Variants in STPG2 observed in about 807,000 individuals in gnomAD.
The protein encoded by STPG2 is sperm tail PG-rich repeat containing 2.
Under a neutral mutation model 54.2 loss-of-function variants are expected in STPG2, and 56 were observed. The ratio of observed to expected loss-of-function variants is 1.03; its 90% CI spans 0.83 to 1.29. The LOEUF (loss-of-function observed/expected upper bound fraction) is 1.29. STPG2 is among the 50% of genes most tolerant of loss of function. The pLI is 0.00. For synonymous variants in STPG2, 200 were observed against 181.8 expected (o/e 1.10, Z -0.81); for missense variants, 596 against 544.9 (o/e 1.09, Z -0.93).
intron 8 of STPG2, among the ~76,000 whole-genome samples, chr4:97,900,368 C>A (rs1299658188): frequency 6.6e-6 from 1 of 151,826 alleles, no homozygotes; most frequent in Non-Finnish European, 1.5e-5. Flanking sequence ...TATGGCAATT[C>A]CTCAAAGAGC....
intron 8 of STPG2, among the ~76,000 whole-genome samples, chr4:97,883,360 C>A (rs1014075288): frequency 6.6e-6 from 1 of 150,980 alleles, no homozygotes; most frequent in Non-Finnish European, 1.5e-5. Flanking sequence ...TACACTCCAG[C>A]CTAAGTGACA....
intron 4 of STPG2, among the ~76,000 whole-genome samples, chr4:97,521,071 C>T (rs1395355444): frequency 6.6e-6 from 1 of 151,764 alleles, no homozygotes; most frequent in Non-Finnish European, 1.5e-5. Flanking sequence ...TATGTACATT[C>T]TGATAAAAAA....
At chr4:97,940,333 A>G (rs1732929321) in intron 8 of STPG2, among the ~76,000 whole-genome samples, 1 of 152,134 alleles carries the variant, frequency 6.6e-6, no homozygotes, top group Non-Finnish European at 1.5e-5. Context: ...TCTGAATTTG[A>G]CTGTTGGCCT....
At position 97,565,536 on chromosome 4, in the gene STPG2, T is replaced by C. The variant is rs572522068; in HGVS notation, c.1321-6419A>G. Among the ~76,000 whole-genome samples the C allele has an allele frequency of 3.0e-4, 45 of 152,346 alleles. 1 individual carries two copies. The highest frequency in any genetic ancestry group is 1.0e-3 in the African/African-American group (43 of 41,584). ...TGCTTTTTAGAGTTTCCAGTTTTCC[T>C]GCTCTGTTTTTTCCCCGTCTTTGTG... On this transcript the variant is annotated intron_variant, in intron 10 of 10. Coordinates refer to ENST00000295268, the MANE Select transcript of STPG2 (RefSeq NM_174952.3).
At chr4:97,481,491 G>A (rs1379329497) in intron 4 of STPG2, among the ~76,000 whole-genome samples, 1 of 151,450 alleles carries the variant, frequency 6.6e-6, no homozygotes, top group East Asian at 1.9e-4. Flanking sequence ...TATTAATAAA[G>A]TATAAAGATT....
At chr4:97,783,744 T>C (rs569121115) in intron 9 of STPG2, among the ~76,000 whole-genome samples, 3 of 152,262 alleles carry the variant, frequency 2.0e-5, no homozygotes, top group South Asian at 4.1e-4. Context: ...TATGCAGCTA[T>C]AAAAAAGGAT....
chr4:97,476,486 A>AT (rs1730075059), intron 4 of STPG2, among the ~76,000 whole-genome samples: 1 of 151,906 alleles, frequency 6.6e-6, no homozygotes, highest in Admixed American at 6.6e-5. Flanking sequence ...ACATTGTAAC[A>AT]TTTTCTCTGC....
intron 8 of STPG2, among the ~76,000 whole-genome samples, chr4:97,861,224 A>G (rs960207034): frequency 6.6e-6 from 1 of 152,202 alleles, no homozygotes; most frequent in African/African-American, 2.4e-5. Flanking sequence ...CAAATGACAA[A>G]TAGACATATG....
chr4:98,089,961 A>C (rs1454450266), intron 5 of STPG2, among the ~76,000 whole-genome samples: 1 of 152,004 alleles, frequency 6.6e-6, no homozygotes, highest in Admixed American at 6.6e-5. Context: ...CCTTTGTCAG[A>C]TGCATGGTTT....
In STPG2 at chr4:97,638,724, GC is replaced by G. The variant is rs1721653044; in HGVS notation, c.1320+73974del. Among the ~76,000 whole-genome samples, 5 of 147,650 alleles carry G rather than the reference GC, an allele frequency of 3.4e-5. No individual in the cohort carries two copies. In the South Asian group the frequency reaches 1.1e-3, roughly 32 times the overall value. On this transcript the variant is annotated intron_variant, in intron 10 of 10. Coordinates refer to ENST00000295268, the MANE Select transcript of STPG2 (RefSeq NM_174952.3). ...CTTCTCAAAAGAAGACATTTATGCA[GC>G]CAAAAAACACATGAAAAAATGCTCA...
chr4:98,031,351 A>T lies in STPG2; in HGVS notation c.613-50033T>A, dbSNP rs554491860. On this transcript the variant is annotated intron_variant, in intron 5 of 10. Transcript: ENST00000295268. ...AGATATTGGCTTAGGCAAGGATTTTATAACCAAGAACCCAAAAGCAAATGC... is the reference window on the plus strand; with the variant it reads ...AGATATTGGCTTAGGCAAGGATTTTTTAACCAAGAACCCAAAAGCAAATGC... Among the ~76,000 whole-genome samples, 9 of 152,334 alleles carry T rather than the reference A, an allele frequency of 5.9e-5. 1 individual carries two copies. The highest frequency in any genetic ancestry group is 4.6e-4 in the Admixed American group (7 of 15,292).
At chr4:97,878,358 C>T (rs1441329266) in intron 8 of STPG2, among the ~76,000 whole-genome samples, 4 of 152,212 alleles carry the variant, frequency 2.6e-5, no homozygotes, top group Non-Finnish European at 5.9e-5. Context: ...CTGCACTGCC[C>T]TAGCAGAGGT....
intron 8 of STPG2, among the ~76,000 whole-genome samples, chr4:97,934,276 T>A (rs1027658363): frequency 2.0e-5 from 3 of 152,216 alleles, no homozygotes; most frequent in African/African-American, 7.2e-5. Flanking sequence ...ACAATGTGGT[T>A]TTCTAGATAT....
intron 4 of STPG2, among the ~76,000 whole-genome samples, chr4:97,544,260 C>T (rs1335702258): frequency 6.6e-6 from 1 of 152,066 alleles, no homozygotes; most frequent in African/African-American, 2.4e-5. Context: ...TAAAAGTATA[C>T]AGACCAGATT....
At chr4:97,649,346 A>T (rs1295574944) in intron 10 of STPG2, among the ~76,000 whole-genome samples, 1 of 151,832 alleles carries the variant, frequency 6.6e-6, no homozygotes, top group Non-Finnish European at 1.5e-5. Context: ...ATTCTTTAAC[A>T]CTCTGCTTTC....
rs574179057 is a variant in STPG2 at position 97,945,786 on chromosome 4, C to G, written c.934-1779G>C. ...AACACTGGCCATTCTTGGATGGGTACAGTGGCTCACACCTGTAATCCCACC... is the reference window on the plus strand; with the variant it reads ...AACACTGGCCATTCTTGGATGGGTAGAGTGGCTCACACCTGTAATCCCACC... On this transcript the variant is annotated intron_variant, in intron 7 of 10. Transcript: ENST00000295268. Among the ~76,000 whole-genome samples, 5 of 152,198 alleles carry G rather than the reference C, an allele frequency of 3.3e-5. No homozygotes were observed. In the South Asian group the frequency reaches 1.0e-3, roughly 32 times the overall value.
At chr4:97,787,032 G>T (rs1334448934) in intron 9 of STPG2, among the ~76,000 whole-genome samples, 1 of 152,094 alleles carries the variant, frequency 6.6e-6, no homozygotes, top group East Asian at 1.9e-4. Context: ...GATTAGAGGA[G>T]ACTACTGTAT....
chr4:98,083,210 A>G (rs1185177144), intron 5 of STPG2, among the ~76,000 whole-genome samples: 2 of 152,182 alleles, frequency 1.3e-5, no homozygotes, highest in African/African-American at 4.8e-5. Flanking sequence ...TAACACATGT[A>G]ATAATGACTC....
chr4:97,925,385 TA>T (rs1488503267), intron 8 of STPG2, among the ~76,000 whole-genome samples: 1 of 152,154 alleles, frequency 6.6e-6, no homozygotes, highest in African/African-American at 2.4e-5. Flanking sequence ...GACAATTAAA[TA>T]AAAAATTTAT....
Sources: allele counts gnomAD v4.1 joint callset (sites outside exome capture counted in the v4.1 genomes callset), GRCh38; gene constraint gnomAD v4.1.1; transcripts MANE v1.5; gene names NCBI Gene and HGNC (gene_info 2026-07-23, HGNC 2026-07-21).